Variants in RBFOX1 observed in about 807,000 individuals in gnomAD.
The protein encoded by RBFOX1 is RNA binding protein fox-1 homolog 1.
RBFOX1 carries 8 observed loss-of-function variants against 57.7 expected under a neutral mutation model. That is an observed-to-expected ratio of 0.14 (90% CI 0.08 to 0.25). The LOEUF is 0.25. Among genes scored for constraint, RBFOX1 ranks in the 10% least tolerant of loss-of-function variants. RBFOX1 has a pLI of 1.00. For synonymous variants in RBFOX1, 326 were observed against 222.4 expected (o/e 1.47, Z -4.15); for missense variants, 611 against 548.5 (o/e 1.11, Z -1.14).
At chr16:7,284,512 G>A (rs74853289) in intron 4 of RBFOX1, among the ~76,000 whole-genome samples, 4,736 of 151,842 alleles carry the variant, frequency 0.031, 134 homozygotes, top group East Asian at 0.13. Flanking sequence ...TTAACTTCTT[G>A]TAGAGATGAG....
intron 3 of RBFOX1, among the ~76,000 whole-genome samples, chr16:6,968,007 C>T (rs922186397): frequency 6.6e-6 from 1 of 152,158 alleles, no homozygotes; most frequent in Admixed American, 6.6e-5. Flanking sequence ...GAAGGTGCTG[C>T]CTCTGCTCTT....
At chr16:5,387,774 A>T (rs778163026) in intron 1 of RBFOX1, among the ~76,000 whole-genome samples, 8 of 152,226 alleles carry the variant, frequency 5.3e-5, no homozygotes, top group Non-Finnish European at 1.0e-4. Context: ...GCAAAGGGGC[A>T]TCAATGTTGT....
In RBFOX1 at chr16:6,450,854, T is replaced by TACAC. The variant is rs1567304131; in HGVS notation, c.-64+133798_-64+133799insCACA. Among the ~76,000 whole-genome samples, 26 of 65,258 alleles carry TACAC rather than the reference T, an allele frequency of 4.0e-4. 6 individuals are homozygous for TACAC. The highest frequency in any genetic ancestry group is 1.3e-3 in the African/African-American group (26 of 19,348). 42.8% of individuals were successfully genotyped at this position (65,258 alleles called of 152,430 possible). ...ATATATATGTGTATATATATATATA[T>TACAC]ATATATATATATATATATATCTCCT... On this transcript the variant is annotated intron_variant, in intron 2 of 15. Coordinates refer to ENST00000550418, the MANE Select transcript of RBFOX1 (RefSeq NM_018723.4).
At chr16:7,059,501 A>G (rs778283521) in intron 4 of RBFOX1, among the ~76,000 whole-genome samples, 1 of 152,230 alleles carries the variant, frequency 6.6e-6, no homozygotes, top group African/African-American at 2.4e-5. Context: ...CTCACAGCCT[A>G]GTGGAAAAGA....
At chr16:5,622,002 A>G (rs2048214410) in intron 3 of RBFOX1, among the ~76,000 whole-genome samples, 1 of 152,236 alleles carries the variant, frequency 6.6e-6, no homozygotes, top group African/African-American at 2.4e-5. Context: ...GCCACGTGTC[A>G]AAAGTAAACA....
chr16:5,379,657 A>G (rs911981831), intron 1 of RBFOX1, among the ~76,000 whole-genome samples: 1 of 152,102 alleles, frequency 6.6e-6, no homozygotes, highest in South Asian at 2.1e-4. Context: ...AATCTGAGAA[A>G]CCAACTGGAC....
At chr16:6,961,145 C>CACCCACACACA (rs142889433) in intron 3 of RBFOX1, among the ~76,000 whole-genome samples, 1 of 143,658 alleles carries the variant, frequency 7.0e-6, no homozygotes, top group African/African-American at 2.6e-5. Flanking sequence ...TCACACACAC[C>CACCCACACACA]CACACAGACA....
chr16:6,181,183 C>T (rs529949828), intron 1 of RBFOX1, among the ~76,000 whole-genome samples: 1 of 152,284 alleles, frequency 6.6e-6, no homozygotes, highest in Admixed American at 6.5e-5. Flanking sequence ...AATATAATCA[C>T]TTCTACCAAT....
intron 2 of RBFOX1, among the ~76,000 whole-genome samples, chr16:5,575,587 G>A (rs1456327218): frequency 1.3e-5 from 2 of 152,190 alleles, no homozygotes; most frequent in Non-Finnish European, 2.9e-5. Flanking sequence ...CACATCCCAT[G>A]CCAGCCAGGG....
chr16:5,311,266 A>G (rs12325398), intron 1 of RBFOX1, among the ~76,000 whole-genome samples: 38,632 of 151,952 alleles, frequency 0.25, 5,710 homozygotes, highest in African/African-American at 0.42. Flanking sequence ...ACACACACAT[A>G]TATATTAATA....
rs1035763064 is a variant in RBFOX1 at position 5,606,599 on chromosome 16, C to G, written c.318+7638C>G. On this transcript the variant is annotated intron_variant, in intron 3 of 19. Coordinates refer to the RBFOX1 transcript ENST00000641259. ...GGTATGCATATGAATAAGACTCAAA[C>G]CGTGCCCTCAAAGCGCTTGCAGTCT... Among the ~76,000 whole-genome samples, 6 of 152,144 alleles carry G rather than the reference C, an allele frequency of 3.9e-5. 1 individual carries two copies. The South Asian group carries it at 8.3e-4, about 21-fold the overall frequency.
At chr16:5,924,657 T>A (rs1427995175) in intron 4 of RBFOX1, among the ~76,000 whole-genome samples, 1 of 152,180 alleles carries the variant, frequency 6.6e-6, no homozygotes, top group Non-Finnish European at 1.5e-5. Context: ...TGCAGAACCA[T>A]GAGCTAAATA....
intron 2 of RBFOX1, among the ~76,000 whole-genome samples, chr16:5,560,190 C>T (rs2045840840): frequency 6.6e-6 from 1 of 152,166 alleles, no homozygotes; most frequent in South Asian, 2.1e-4. Flanking sequence ...TGTGAAATAC[C>T]TTGCTTGCTA....
chr16:7,679,807 A>T (rs1400799650), intron 14 of RBFOX1, among the ~76,000 whole-genome samples: 1 of 152,036 alleles, frequency 6.6e-6, no homozygotes, highest in Non-Finnish European at 1.5e-5. Flanking sequence ...TGACCTCCAG[A>T]AAGAAGACCA....
At chr16:7,505,973 C>G (rs538112733) in intron 4 of RBFOX1, among the ~76,000 whole-genome samples, 2 of 151,946 alleles carry the variant, frequency 1.3e-5, no homozygotes, top group Non-Finnish European at 2.9e-5. Context: ...ATCACAAGGT[C>G]AGGAGGTTGA....
chr16:6,084,254 G>GT (rs1380722918), intron 1 of RBFOX1, among the ~76,000 whole-genome samples: 1 of 151,696 alleles, frequency 6.6e-6, no homozygotes, highest in Admixed American at 6.6e-5. Flanking sequence ...ACTTGTTTTT[G>GT]TTTTTTTGAG....
intron 2 of RBFOX1, among the ~76,000 whole-genome samples, chr16:6,526,829 C>CAAAAAAAAA (rs541468859): frequency 3.0e-4 from 10 of 32,892 alleles, no homozygotes; most frequent in African/African-American, 6.5e-4. Context: ...GACTCTGTCT[C>CAAAAAAAAA]AAAAAAAAAA....
intron 1 of RBFOX1, among the ~76,000 whole-genome samples, chr16:5,433,744 C>T (rs2067824478): frequency 6.6e-6 from 1 of 152,194 alleles, no homozygotes; most frequent in African/African-American, 2.4e-5. Flanking sequence ...CTCCCTGCTC[C>T]ATGGGAGATT....
At chr16:7,247,812 C>G (rs1245829391) in intron 4 of RBFOX1, among the ~76,000 whole-genome samples, 2 of 152,136 alleles carry the variant, frequency 1.3e-5, no homozygotes, top group Non-Finnish European at 2.9e-5. Flanking sequence ...ACTGCATGTT[C>G]TCACTTATAA....
Sources: gnomAD v4.1 joint callset for allele counts (sites outside exome capture counted in the v4.1 genomes callset) on GRCh38, gnomAD v4.1.1 for gene constraint, MANE v1.5 for transcripts, NCBI Gene and HGNC (gene_info 2026-07-23, HGNC 2026-07-21) for gene names.